Variants in ACBD4 observed in about 807,000 individuals in gnomAD.
ACBD4 encodes acyl-CoA binding domain containing 4, also known as acyl-CoA-binding domain-containing protein 4.
In ACBD4, 41 loss-of-function variants were observed where a neutral mutation model predicts 46.0. That is an observed-to-expected ratio of 0.89 (90% CI 0.69 to 1.16). The LOEUF is 1.16. ACBD4 is among the 50% of genes most tolerant of loss of function. The probability of loss-of-function intolerance (pLI) is 0.00; values close to 1 mark genes in which losing one functional copy is unlikely to be tolerated. For synonymous variants in ACBD4, 162 were observed against 155.9 expected (o/e 1.04, Z -0.29); for missense variants, 393 against 399.5 (o/e 0.98, Z 0.14).
intron 9 of ACBD4, among the ~76,000 whole-genome samples, 198 bp from the exon 10 acceptor site, chr17:45,143,245 C>T (rs1300686045): frequency 1.3e-5 from 2 of 152,220 alleles, no homozygotes; most frequent in African/African-American, 2.4e-5. Context: ...TCTCTTGATA[C>T]TGGGATTGCC....
upstream of ACBD4, chr17:45,132,523 G>C (rs1186534326): frequency 1.9e-6 from 1 of 516,496 alleles, no homozygotes; most frequent in Middle Eastern, 6.8e-4. This position sits in a 1 kb window ranked among gnomAD's most constrained non-coding sequence, Gnocchi z 4.6. Context: ...AAGAAACTTA[G>C]CGGCGCGGGA....
At chr17:45,137,504 T>C (rs772189553) in intron 6 of ACBD4, 50 bp downstream of exon 6, 2 of 1,580,212 alleles carry the variant, frequency 1.3e-6, no homozygotes, top group Non-Finnish European at 1.7e-6. Context: ...GGGGGAGGGC[T>C]GGAGGGGAGA....
intron 9 of ACBD4, among the ~76,000 whole-genome samples, chr17:45,141,973 C>T (rs1445915115): frequency 6.6e-6 from 1 of 151,670 alleles, no homozygotes; most frequent in Non-Finnish European, 1.5e-5. Context: ...ATTCCTTTAA[C>T]ATCTACTAGC....
chr17:45,143,802 A>G lies in ACBD4; in HGVS notation c.*231A>G, dbSNP rs2055439002. On this transcript the variant is annotated 3_prime_UTR_variant, in exon 10 of 10. Transcript: ENST00000321854. ...ACCCCAGGCTCCCCTGGGAGGCTGC[A>G]GTTGTGGTACACGTCCCCGGTGCTG... 1.5e-6 allele frequency: 1 copy of G among 680,212 alleles called. No homozygotes were observed. The highest frequency in any genetic ancestry group is 2.4e-6 in the Non-Finnish European group (1 of 414,570). 42.1% of individuals were successfully genotyped at this position (680,212 alleles called of 1,614,324 possible).
rs1332037679 is a variant in ACBD4, at chr17:45,137,921, A to G, written c.582A>G (p.Thr194=). The change falls in exon 8 of 10, where the codon ACA becomes ACG. Residue 194 remains threonine, a synonymous_variant. Coordinates refer to ENST00000321854, the MANE Select transcript of ACBD4 (RefSeq NM_001135705.3). ...LEQLEPELVW[T]EQRAASGGKR... Reference sequence around the variant, plus strand: ...CTGACTCATCTCAGCAGGTTTGGACAGAGCAGCGGGCAGCATCTGGAGGAA... The same window carrying G: ...CTGACTCATCTCAGCAGGTTTGGACGGAGCAGCGGGCAGCATCTGGAGGAA... The G allele has an allele frequency of 5.0e-6, 8 of 1,613,386 alleles. No homozygotes were observed. Among genetic ancestry groups the G allele is most frequent in the Admixed American group, 1.7e-5 (1 of 59,952 alleles).
chr17:45,139,062 G>A lies in ACBD4; in HGVS notation c.691G>A (p.Val231Met), dbSNP rs376543418. 13 of 1,613,816 alleles carry A rather than the reference G, an allele frequency of 8.1e-6. No homozygotes were observed. The highest frequency in any genetic ancestry group is 3.3e-5 in the Admixed American group (2 of 60,028). The change falls in exon 9 of 10, where the codon GTG (valine) becomes ATG (methionine). Residue 231 changes from valine to methionine, a missense_variant. By Grantham distance (21) the Val-to-Met change is conservative (BLOSUM62 1). Around this residue, in one of 3 missense-constraint regions of ACBD4, gnomAD observed 308 missense variants for 301.8 expected, o/e 1.02. Transcript: ENST00000321854. ...CCCGCCGGGGCCCCAGGAGTTGGACGTGTGGCTGCTGGGGACAGTTCGAGC... is the reference window on the plus strand; with the variant it reads ...CCCGCCGGGGCCCCAGGAGTTGGACATGTGGCTGCTGGGGACAGTTCGAGC... The part of the protein sequence containing the change: ...GSPPGPQELD[V>M]WLLGTVRALQ...
intron 6 of ACBD4, 151 bp downstream of exon 6, chr17:45,137,605 G>A: frequency 1.5e-6 from 2 of 1,307,504 alleles, no homozygotes; most frequent in Non-Finnish European, 2.2e-6. Flanking sequence ...CTGTTCCAGG[G>A]CCTTGCTTCT....
intron 9 of ACBD4, among the ~76,000 whole-genome samples, chr17:45,140,784 G>A (rs545557538): frequency 4.6e-5 from 7 of 152,020 alleles, no homozygotes; most frequent in African/African-American, 7.2e-5. Context: ...AGGCCAAGGC[G>A]TGTGGATCAC....
chr17:45,137,243 G>GGCCCCCAA (rs2054913563), intron 5 of ACBD4, 104 bp downstream of exon 5: 1 of 1,599,860 alleles, frequency 6.3e-7, no homozygotes, highest in Admixed American at 1.7e-5. Context: ...TCCCTGTTAG[G>GGCCCCCAA]GCCCCCAAGC....
At chr17:45,133,534 T>C (rs889136870), upstream of ACBD4, among the ~76,000 whole-genome samples, 21 of 127,538 alleles carry the variant, frequency 1.6e-4, no homozygotes, top group African/African-American at 4.3e-4. Flanking sequence ...TTTTTTTTTT[T>C]TTTTTTTTTT....
At position 45,137,850 on chromosome 17, in the gene ACBD4, C is replaced by T. The variant is rs775553830; in HGVS notation, c.573+20C>T. ...GAGCTGGTGAGCCCAGTCCCCATTC[C>T]CCCCTTTTCCCACCCCACTGTGCTC... On this transcript the variant is annotated intron_variant, in intron 7 of 9. Coordinates refer to ENST00000321854, the MANE Select transcript of ACBD4 (RefSeq NM_001135705.3). 7.4e-6 allele frequency: 12 copies of T among 1,612,616 alleles called. No homozygotes were observed. Among genetic ancestry groups the T allele is most frequent in the African/African-American group, 2.7e-5 (2 of 74,870 alleles).
chr17:45,143,785 C>A lies in ACBD4; in HGVS notation c.*214C>A. Reference sequence around the variant, plus strand: ...CTTCCCTCCCCGCAACCACCCCAGGCTCCCCTGGGAGGCTGCAGTTGTGGT... The same window carrying A: ...CTTCCCTCCCCGCAACCACCCCAGGATCCCCTGGGAGGCTGCAGTTGTGGT... On this transcript the variant is annotated 3_prime_UTR_variant, in exon 10 of 10. Coordinates refer to ENST00000321854, the MANE Select transcript of ACBD4 (RefSeq NM_001135705.3). 1 of 777,920 alleles carries A rather than the reference C, an allele frequency of 1.3e-6. No individual in the cohort carries two copies. Among genetic ancestry groups the A allele is most frequent in the Non-Finnish European group, 2.0e-6 (1 of 496,310 alleles). The allele number at this position is 777,920 out of a possible 1,614,324, so 48.2% of individuals were successfully genotyped here.
Position 45,139,148 on chromosome 17 carries a change from G to T in ACBD4, c.777G>T (p.Arg259=). 1 of 1,613,534 alleles carries T rather than the reference G, an allele frequency of 6.2e-7. No homozygotes were observed. Among genetic ancestry groups the T allele is most frequent in the Non-Finnish European group, 8.5e-7 (1 of 1,179,994 alleles). ...TGCAGAGCCTGGAGAGCATGCCCCGGCCCCCTGAGCAGGTAGAGTCCCCCA... is the reference window on the plus strand; with the variant it reads ...TGCAGAGCCTGGAGAGCATGCCCCGTCCCCCTGAGCAGGTAGAGTCCCCCA... ...ARVQSLESMP[R]PPEQRPQPRP... Residue 259 remains arginine, a synonymous_variant, in exon 9 of 10, where the codon CGG becomes CGT. Coordinates refer to ENST00000321854, the MANE Select transcript of ACBD4 (RefSeq NM_001135705.3).
upstream of ACBD4, among the ~76,000 whole-genome samples, chr17:45,133,525 T>C (rs927712070): frequency 4.2e-4 from 38 of 90,960 alleles, no homozygotes; most frequent in South Asian, 2.5e-3. Flanking sequence ...ATTTTCTTTT[T>C]TTTTTTTTTT....
intron 9 of ACBD4, among the ~76,000 whole-genome samples, chr17:45,142,134 T>C (rs2055310289): frequency 6.6e-6 from 1 of 151,796 alleles, no homozygotes; most frequent in Non-Finnish European, 1.5e-5. Context: ...GGCTCACGCC[T>C]GTAATCCTAG....
chr17:45,136,898 C>T, intron 4 of ACBD4, 121 bp from the exon 5 acceptor site: 1 of 1,578,942 alleles, frequency 6.3e-7, no homozygotes, highest in Non-Finnish European at 8.7e-7. Context: ...CTTCATGTTA[C>T]CCCCAACCCT....
chr17:45,142,388 TC>T (rs2055332481), intron 9 of ACBD4, among the ~76,000 whole-genome samples: 1 of 7,502 alleles, frequency 1.3e-4, no homozygotes, highest in African/African-American at 6.6e-4. Flanking sequence ...GCAAGACTCC[TC>T]AAAAAAAAAA....
At chr17:45,138,258 C>T (rs1470734616) in intron 8 of ACBD4, 1 of 564,912 alleles carries the variant, frequency 1.8e-6, no homozygotes, top group African/African-American at 1.9e-5. Flanking sequence ...AGTCCTAGCC[C>T]AGTTCTCCCA....
intron 9 of ACBD4, chr17:45,142,554 C>CTTTTT (rs531814036): frequency 3.5e-5 from 6 of 170,932 alleles, no homozygotes; most frequent in South Asian, 1.2e-4. Context: ...CACAGTAATT[C>CTTTTT]TTTTTTTTTT....
Sources: allele counts gnomAD v4.1 joint callset (sites outside exome capture counted in the v4.1 genomes callset), GRCh38; gene constraint gnomAD v4.1.1; regional missense constraint gnomAD v4.1.1; non-coding constraint Gnocchi (gnomAD v3.1); transcripts MANE v1.5; gene names NCBI Gene and HGNC (gene_info 2026-07-23, HGNC 2026-07-21).